Variants in BAIAP2 observed in about 807,000 individuals in gnomAD.
The protein encoded by BAIAP2 is BAR/IMD domain containing adaptor protein 2.
Under a neutral mutation model 63.0 loss-of-function variants are expected in BAIAP2, and 18 were observed. That is an observed-to-expected ratio of 0.29 (90% CI 0.20 to 0.42). The LOEUF (loss-of-function observed/expected upper bound fraction) is 0.42. Ranked by LOEUF, BAIAP2 falls within the 10% of genes least tolerant of loss-of-function variation. The pLI is 1.00. For missense variants in BAIAP2, 610 were observed against 734.3 expected (o/e 0.83, Z 1.96); for synonymous variants, 386 against 307.6 (o/e 1.25, Z -2.67).
intron 2 of BAIAP2, among the ~76,000 whole-genome samples, chr17:81,056,823 G>A (rs1403488280): frequency 6.6e-6 from 1 of 151,272 alleles, no homozygotes; most frequent in Non-Finnish European, 1.5e-5. Flanking sequence ...CTGCTGTTGC[G>A]TTTTTCTGCT....
At chr17:81,083,529 A>C (rs1422089765) in intron 3 of BAIAP2, 1 of 152,214 alleles carries the variant, frequency 6.6e-6, no homozygotes, top group Non-Finnish European at 1.5e-5. Context: ...CATTTGCCGC[A>C]GGGGTGGGTC....
At chr17:81,051,639 G>A (rs2048696338) in intron 1 of BAIAP2, among the ~76,000 whole-genome samples, 1 of 152,126 alleles carries the variant, frequency 6.6e-6, no homozygotes, top group African/African-American at 2.4e-5. Flanking sequence ...TGATCCGCCT[G>A]CCTTGGCCTC....
chr17:81,050,528 T>C (rs1440124676), intron 1 of BAIAP2, among the ~76,000 whole-genome samples: 3 of 152,170 alleles, frequency 2.0e-5, no homozygotes, highest in African/African-American at 7.2e-5. Flanking sequence ...AGGATGTTAG[T>C]GGAGCTCACA....
chr17:81,108,681 G>A (rs2059480751), intron 13 of BAIAP2, 172 bp downstream of exon 13: 4 of 921,812 alleles, frequency 4.3e-6, no homozygotes, highest in Non-Finnish European at 6.5e-6. Context: ...CTTTCTCCGA[G>A]TGACACGGGA....
chr17:81,111,781 C>T (rs889299372), intron 13 of BAIAP2, among the ~76,000 whole-genome samples: 1 of 152,236 alleles, frequency 6.6e-6, no homozygotes, highest in Non-Finnish European at 1.5e-5. Flanking sequence ...TTGCCCACAC[C>T]TTCCAATCGC....
At chr17:81,106,440 C>T (rs549383102) in intron 11 of BAIAP2, among the ~76,000 whole-genome samples, 1 of 152,204 alleles carries the variant, frequency 6.6e-6, no homozygotes, top group East Asian at 1.9e-4. Context: ...CCAGGTCCTC[C>T]AGGTTCTCCC....
Position 81,035,218 on chromosome 17 carries a change from C to A in BAIAP2, c.-37C>A. On this transcript the variant is annotated 5_prime_UTR_variant, in exon 1 of 14. Transcript: ENST00000428708. Reference sequence around the variant, plus strand: ...GCCGCTGCTGCCGCCGCTTGCGTCCCCCGCTCCGGTCTGTGGTGCAGCCGG... The same window carrying A: ...GCCGCTGCTGCCGCCGCTTGCGTCCACCGCTCCGGTCTGTGGTGCAGCCGG... The A allele has an allele frequency of 6.8e-7, 1 of 1,466,894 alleles. No individual in the cohort carries two copies. The highest frequency in any genetic ancestry group is 1.5e-5 in the African/African-American group (1 of 68,340). 90.9% of individuals were successfully genotyped at this position (1,466,894 alleles called of 1,614,324 possible).
At chr17:81,089,578 T>TCTCAGGTGGGAGACA (rs11268331) in intron 6 of BAIAP2, among the ~76,000 whole-genome samples, 1 of 152,086 alleles carries the variant, frequency 6.6e-6, no homozygotes, top group African/African-American at 2.4e-5. Flanking sequence ...AGCACCTGTT[T>TCTCAGGTGGGAGACA]CCCAACGGCT....
chr17:81,041,958 G>A (rs1165946520), intron 1 of BAIAP2, among the ~76,000 whole-genome samples: 2 of 152,218 alleles, frequency 1.3e-5, no homozygotes, highest in Admixed American at 1.3e-4. Flanking sequence ...TTTTCATGAA[G>A]AGTTTGACTT....
intron 1 of BAIAP2, among the ~76,000 whole-genome samples, chr17:81,044,203 C>T (rs950348531): frequency 1.3e-5 from 2 of 152,234 alleles, no homozygotes; most frequent in African/African-American, 2.4e-5. Flanking sequence ...ACGGTTGCTC[C>T]TCCAGCCGTG....
intron 5 of BAIAP2, among the ~76,000 whole-genome samples, chr17:81,086,152 T>C (rs1598710864): frequency 1.3e-5 from 1 of 78,398 alleles, no homozygotes; most frequent in Non-Finnish European, 2.4e-5. Flanking sequence ...CTCTCAGTGG[T>C]GGGCGGGAGG....
At chr17:81,100,300 C>A (rs2058312440) in intron 7 of BAIAP2, among the ~76,000 whole-genome samples, 1 of 152,200 alleles carries the variant, frequency 6.6e-6, no homozygotes, top group African/African-American at 2.4e-5. Context: ...CCACCTGCAA[C>A]CAGGGAGAGT....
At chr17:81,091,343 C>G (rs548872453) in intron 6 of BAIAP2, among the ~76,000 whole-genome samples, 2 of 152,082 alleles carry the variant, frequency 1.3e-5, no homozygotes, top group African/African-American at 4.8e-5. Flanking sequence ...GAAGCAGAGA[C>G]CTCTTCACCG....
chr17:81,077,081 T>C (rs2053779602), intron 3 of BAIAP2, among the ~76,000 whole-genome samples: 1 of 152,110 alleles, frequency 6.6e-6, no homozygotes, highest in Admixed American at 6.6e-5. Flanking sequence ...ATTGCAGTGA[T>C]TGAAGTGTTG....
At chr17:81,075,105 G>T (rs1353690367) in intron 3 of BAIAP2, among the ~76,000 whole-genome samples, 2 of 152,214 alleles carry the variant, frequency 1.3e-5, no homozygotes, top group Admixed American at 6.5e-5. Context: ...TGTGAAGCCA[G>T]CCTCGGCTCA....
At position 81,116,477 on chromosome 17, in the gene BAIAP2, C is replaced by T; in HGVS notation, c.*638C>T. 1 of 818,154 alleles carries T rather than the reference C, an allele frequency of 1.2e-6. No individual in the cohort carries two copies. The highest frequency in any genetic ancestry group is 2.7e-5 in the East Asian group (1 of 36,970). The allele number at this position is 818,154 out of a possible 1,614,324, so 50.7% of individuals were successfully genotyped here. A position where few individuals can be genotyped will look rare whatever the true frequency, so the allele number is the denominator to read the frequency against. ...GCCTCGGGCAGGCCCCAGCCCTCCTCCTTACCCAACCTCCCATCCAGAACC... is the reference window on the plus strand; with the variant it reads ...GCCTCGGGCAGGCCCCAGCCCTCCTTCTTACCCAACCTCCCATCCAGAACC... On this transcript the variant is annotated 3_prime_UTR_variant, in exon 14 of 14. Coordinates refer to ENST00000428708, the MANE Select transcript of BAIAP2 (RefSeq NM_001144888.2).
At chr17:81,098,753 C>T (rs1486048060) in intron 6 of BAIAP2, among the ~76,000 whole-genome samples, 1 of 152,150 alleles carries the variant, frequency 6.6e-6, no homozygotes, top group African/African-American at 2.4e-5. Context: ...CACAGAGTGG[C>T]CAAGACGTGA....
intron 2 of BAIAP2, among the ~76,000 whole-genome samples, chr17:81,055,946 A>G: frequency 6.6e-6 from 1 of 152,074 alleles, no homozygotes; most frequent in East Asian, 1.9e-4. Flanking sequence ...TTCTTGGATG[A>G]GGTAGTGGAG....
chr17:81,098,148 G>A lies in BAIAP2; in HGVS notation c.490-1780G>A, dbSNP rs571673457. On this transcript the variant is annotated intron_variant, in intron 6 of 13. Coordinates refer to ENST00000428708, the MANE Select transcript of BAIAP2 (RefSeq NM_001144888.2). ...CCTCCCAGAGGGACAGAGGCAGAGAGCCCTGGGGTTTGGAACTGTCACTTC... is the reference window on the plus strand; with the variant it reads ...CCTCCCAGAGGGACAGAGGCAGAGAACCCTGGGGTTTGGAACTGTCACTTC... 3.9e-5 allele frequency: 57 copies of A among 1,471,168 alleles called. No homozygotes were observed. The East Asian group carries it at 1.3e-3, about 34-fold the overall frequency. The allele number at this position is 1,471,168 out of a possible 1,614,324, so 91.1% of individuals were successfully genotyped here.
Sources: gnomAD v4.1 joint callset for allele counts (sites outside exome capture counted in the v4.1 genomes callset) on GRCh38, gnomAD v4.1.1 for gene constraint, MANE v1.5 for transcripts, NCBI Gene and HGNC (gene_info 2026-07-23, HGNC 2026-07-21) for gene names.